The following APBA2 variants were observed in gnomAD, a reference collection of about 807,000 sequenced individuals.
APBA2 encodes amyloid beta precursor protein binding family A member 2, also known as amyloid-beta A4 precursor protein-binding family A member 2.
Under a neutral mutation model 75.0 loss-of-function variants are expected in APBA2, and 30 were observed. That is an observed-to-expected ratio of 0.40 (90% CI 0.30 to 0.54). The LOEUF (loss-of-function observed/expected upper bound fraction) is 0.54, where lower values mean the gene tolerates loss of function less well. APBA2 is among the 20% of genes least tolerant of loss of function. APBA2 has a pLI of 0.49. For missense variants in APBA2, 801 were observed against 1,016.1 expected, an observed-to-expected ratio of 0.79 and a Z score of 2.88; for synonymous variants, 444 against 409.6, an observed-to-expected ratio of 1.08 and a Z score of -1.01.
At chr15:29,112,591 T>C (rs2044795555) in intron 13 of APBA2, among the ~76,000 whole-genome samples, 1 of 152,174 alleles carries the variant, frequency 6.6e-6, no homozygotes, top group African/African-American at 2.4e-5. Context: ...GGAGCTGCCT[T>C]GCGGTATGGA....
At chr15:29,100,006 C>A (rs749981956) in intron 9 of APBA2, among the ~76,000 whole-genome samples, 7 of 152,170 alleles carry the variant, frequency 4.6e-5, no homozygotes, top group Non-Finnish European at 1.0e-4. Context: ...GGATTCTGGA[C>A]AGGGCATGCA....
At chr15:29,058,482 A>G (rs978385652) in intron 4 of APBA2, among the ~76,000 whole-genome samples, 3 of 152,122 alleles carry the variant, frequency 2.0e-5, no homozygotes, top group Admixed American at 2.0e-4. Context: ...CTGCACTCCA[A>G]CGTTGGCAAC....
chr15:28,933,617 A>T (rs1282807349), intron 2 of APBA2, among the ~76,000 whole-genome samples: 1 of 152,254 alleles, frequency 6.6e-6, no homozygotes, highest in African/African-American at 2.4e-5. Flanking sequence ...GCAAGCCCAC[A>T]CTGGCTCGGA....
intron 9 of APBA2, among the ~76,000 whole-genome samples, chr15:29,100,465 C>T (rs1409879191): frequency 6.6e-6 from 1 of 152,212 alleles, no homozygotes; most frequent in Admixed American, 6.5e-5. Context: ...GCATAAAAGA[C>T]CAGTTGATTA....
chr15:28,981,791 A>G (rs762605223), intron 2 of APBA2, among the ~76,000 whole-genome samples: 17 of 152,218 alleles, frequency 1.1e-4, no homozygotes, highest in Non-Finnish European at 2.4e-4. Context: ...TAAAGAAATT[A>G]TGGTACATAT....
intron 2 of APBA2, among the ~76,000 whole-genome samples, chr15:28,951,881 C>CTTTTTTTTTTTTTTTTT (rs71414600): frequency 9.1e-6 from 1 of 109,824 alleles, no homozygotes. Flanking sequence ...TGCACTCAGC[C>CTTTTTTTTTTTTTTTTT]TTTTTTTTTT....
At chr15:29,041,579 C>T (rs1349102539) in intron 3 of APBA2, among the ~76,000 whole-genome samples, 1 of 150,084 alleles carries the variant, frequency 6.7e-6, no homozygotes, top group Non-Finnish European at 1.5e-5. Flanking sequence ...AGAAAATATA[C>T]AAGATCCGTA....
chr15:28,893,551 G>A (rs1360482469), intron 1 of APBA2, among the ~76,000 whole-genome samples: 1 of 152,240 alleles, frequency 6.6e-6, no homozygotes, highest in African/African-American at 2.4e-5. Context: ...GGCATTGGGT[G>A]AAGTCGAGGT....
At chr15:29,023,832 A>G (rs1268074467) in intron 3 of APBA2, among the ~76,000 whole-genome samples, 11 of 151,890 alleles carry the variant, frequency 7.2e-5, no homozygotes. Flanking sequence ...TAAACACAAC[A>G]TATCCATTGC....
intron 4 of APBA2, among the ~76,000 whole-genome samples, chr15:29,063,344 A>T (rs1452699466): frequency 2.4e-5 from 3 of 125,320 alleles, no homozygotes; most frequent in Non-Finnish European, 4.9e-5. Flanking sequence ...CAGTGTCTGT[A>T]TGGGTGGTGC....
chr15:28,984,912 GCT>G (rs72448868), intron 2 of APBA2, among the ~76,000 whole-genome samples: 18,882 of 139,096 alleles, frequency 0.14, 4,245 homozygotes, highest in African/African-American at 0.48. Flanking sequence ...GGGGGGAGCT[GCT>G]CTCTCTCTCT....
At chr15:29,004,880 A>G (rs1228208006) in intron 3 of APBA2, among the ~76,000 whole-genome samples, 4 of 152,030 alleles carry the variant, frequency 2.6e-5, no homozygotes, top group African/African-American at 2.4e-5. Flanking sequence ...GCGTTTCTCC[A>G]TGTTGGCCAG....
chr15:29,104,909 C>A (rs1439096918), intron 10 of APBA2, among the ~76,000 whole-genome samples: 1 of 152,136 alleles, frequency 6.6e-6, no homozygotes, highest in South Asian at 2.1e-4. Context: ...TATGGCAAGA[C>A]CCCTATCTCT....
rs1170097537 is a variant in APBA2, at chr15:29,054,597, G to A, written c.713G>A (p.Ser238Asn). The A allele has an allele frequency of 1.9e-6, 3 of 1,614,148 alleles. No individual in the cohort carries two copies. The highest frequency in any genetic ancestry group is 1.7e-6 in the Non-Finnish European group (2 of 1,180,028). The change falls in exon 4 of 15, where the codon AGC becomes AAC. Residue 238 changes from serine to asparagine, a missense_variant. By Grantham distance (46) the Ser-to-Asn change is conservative. Around this residue, in one of 2 missense-constraint regions of APBA2, gnomAD observed 434 missense variants for 471.6 expected, o/e 0.92. Coordinates refer to ENST00000683413, the MANE Select transcript of APBA2 (RefSeq NM_001353788.2). The surrounding 1 kb of genome is among the most constrained non-coding windows in gnomAD (Gnocchi z 6.1). ...QIVAEIKMSL[S>N]MTSITSASEA... Reference sequence around the variant, plus strand: ...GTGGCAGAGATCAAGATGAGTCTGAGCATGACCAGCATCACCAGCGCCAGT... The same window carrying A: ...GTGGCAGAGATCAAGATGAGTCTGAACATGACCAGCATCACCAGCGCCAGT...
chr15:29,115,690 G>C (rs144235398), intron 14 of APBA2, among the ~76,000 whole-genome samples: 31 of 152,320 alleles, frequency 2.0e-4, no homozygotes, highest in African/African-American at 7.2e-4. Context: ...TTGCAGTTGC[G>C]AGGGGCCTCG....
chr15:28,909,720 C>T (rs2033339233), intron 1 of APBA2, among the ~76,000 whole-genome samples: 1 of 152,190 alleles, frequency 6.6e-6, no homozygotes, highest in African/African-American at 2.4e-5. Context: ...CCCCAAAGTG[C>T]AGCAGCAACA....
intron 4 of APBA2, among the ~76,000 whole-genome samples, chr15:29,067,818 T>C (rs924711777): frequency 5.9e-5 from 9 of 152,324 alleles, no homozygotes; most frequent in Admixed American, 2.6e-4. Context: ...TTTCAAATTA[T>C]GAGTTGTAGG....
At chr15:29,062,681 G>A (rs1028500550) in intron 4 of APBA2, among the ~76,000 whole-genome samples, 1 of 152,150 alleles carries the variant, frequency 6.6e-6, no homozygotes, top group East Asian at 1.9e-4. Context: ...CATTGTCAGG[G>A]CAGAGCATGT....
At chr15:28,964,643 A>G (rs903677972) in intron 2 of APBA2, among the ~76,000 whole-genome samples, 2 of 151,714 alleles carry the variant, frequency 1.3e-5, no homozygotes, top group African/African-American at 4.8e-5. Context: ...GCCTGCCACC[A>G]CGCCTGGCTA....
Sources: allele counts gnomAD v4.1 joint callset (sites outside exome capture counted in the v4.1 genomes callset), GRCh38; gene constraint gnomAD v4.1.1; regional missense constraint gnomAD v4.1.1; non-coding constraint Gnocchi (gnomAD v3.1); transcripts MANE v1.5; gene names NCBI Gene and HGNC (gene_info 2026-07-23, HGNC 2026-07-21).